FNIP1: variants seen among roughly 807,000 people sequenced by gnomAD.
FNIP1 encodes folliculin-interacting protein 1.
Under a neutral mutation model 124.5 loss-of-function variants are expected in FNIP1, and 40 were observed. That is an observed-to-expected ratio of 0.32 (90% CI 0.25 to 0.42). The LOEUF is 0.42. FNIP1 is among the 10% of genes least tolerant of loss of function. The pLI is 1.00. For missense variants in FNIP1, 1,176 were observed against 1,403.7 expected (o/e 0.84, Z 2.59); for synonymous variants, 472 against 470.6 (o/e 1.00, Z -0.04).
chr5:131,740,099 T>C (rs1770464259), intron 2 of FNIP1, among the ~76,000 whole-genome samples: 3 of 152,244 alleles, frequency 2.0e-5, no homozygotes, highest in Admixed American at 2.0e-4. Context: ...GGAATATGTT[T>C]AGCCTTTCCA....
rs1368610462 is a variant in FNIP1 at position 131,643,423 on chromosome 5, A to G, written c.*1262T>C. ...ACTACTAGCATTAAAAGTCTCTTAGACCAGATAAGCAAAGAATAAACTATA... is the reference window on the plus strand; with the variant it reads ...ACTACTAGCATTAAAAGTCTCTTAGGCCAGATAAGCAAAGAATAAACTATA... On this transcript the variant is annotated 3_prime_UTR_variant, in exon 18 of 18. Coordinates refer to ENST00000510461, the MANE Select transcript of FNIP1 (RefSeq NM_133372.3). The G allele has an allele frequency of 6.5e-6, 1 of 152,768 alleles. No individual in the cohort carries two copies. The highest frequency in any genetic ancestry group is 2.4e-5 in the African/African-American group (1 of 41,440). 9.5% of individuals were successfully genotyped at this position (152,768 alleles called of 1,614,324 possible).
At chr5:131,770,448 C>T (rs1038323331) in intron 1 of FNIP1, among the ~76,000 whole-genome samples, 2 of 152,094 alleles carry the variant, frequency 1.3e-5, no homozygotes, top group Non-Finnish European at 2.9e-5. Flanking sequence ...TTTAGAAAAA[C>T]CAAGGGGTGC....
chr5:131,670,611 C>T lies in FNIP1; in HGVS notation c.2960G>A (p.Ser987Asn). 4.4e-6 allele frequency: 7 copies of T among 1,608,018 alleles called. No individual in the cohort carries two copies. Among genetic ancestry groups the T allele is most frequent in the Non-Finnish European group, 5.9e-6 (7 of 1,177,874 alleles). ...GTTGGCAATGTTGGGCTGAACAGCACTCACTTCGATTAACTTTGACCTGGA... is the reference window on the plus strand; with the variant it reads ...GTTGGCAATGTTGGGCTGAACAGCATTCACTTCGATTAACTTTGACCTGGA... The part of the protein sequence containing the change: ...PFPGSKLIEV[S>N]AVQPNIANFG... Residue 987 changes from serine (S) to asparagine (N), a missense_variant, in exon 15 of 18, where the codon AGT becomes AAT. Physicochemically the swap from Ser to Asn is conservative, Grantham distance 46. Coordinates refer to ENST00000510461, the MANE Select transcript of FNIP1 (RefSeq NM_133372.3).
chr5:131,695,344 T>C (rs1768658695), intron 11 of FNIP1, among the ~76,000 whole-genome samples: 1 of 152,206 alleles, frequency 6.6e-6, no homozygotes, highest in African/African-American at 2.4e-5. Flanking sequence ...TACTCTTAAC[T>C]GATAATACAG....
intron 1 of FNIP1, among the ~76,000 whole-genome samples, chr5:131,748,551 G>C (rs992963630): frequency 1.3e-5 from 2 of 151,716 alleles, no homozygotes; most frequent in African/African-American, 4.8e-5. Context: ...ACAAAAATTA[G>C]CCAGGCGTGG....
At chr5:131,765,392 A>C (rs553538687) in intron 1 of FNIP1, among the ~76,000 whole-genome samples, 3 of 152,208 alleles carry the variant, frequency 2.0e-5, no homozygotes, top group Non-Finnish European at 4.4e-5. Context: ...GATGCATCAT[A>C]AACTGTTTTC....
rs1454490152 is a variant in FNIP1, at chr5:131,643,596, G to C, written c.*1089C>G. 1 of 152,656 alleles carries C rather than the reference G, an allele frequency of 6.6e-6. No individual in the cohort carries two copies. Among genetic ancestry groups the C allele is most frequent in the East Asian group, 1.9e-4 (1 of 5,328 alleles). The allele number at this position is 152,656 out of a possible 1,614,324, so 9.5% of individuals were successfully genotyped here. A position where few individuals can be genotyped will look rare whatever the true frequency, so the allele number is the denominator to read the frequency against. ...TAGTATGTACAAAGGCAACAATTGA[G>C]AAGTGAAAATCTTTGAAAAAAATAC... On this transcript the variant is annotated 3_prime_UTR_variant, in exon 18 of 18. Coordinates refer to ENST00000510461, the MANE Select transcript of FNIP1 (RefSeq NM_133372.3).
At chr5:131,667,036 A>C (rs1453034388) in intron 15 of FNIP1, among the ~76,000 whole-genome samples, 1 of 152,210 alleles carries the variant, frequency 6.6e-6, no homozygotes, top group African/African-American at 2.4e-5. Context: ...AGGTATTGGG[A>C]GGGAAGCATT....
intron 11 of FNIP1, among the ~76,000 whole-genome samples, chr5:131,679,386 C>T (rs1300376029): frequency 6.6e-6 from 1 of 152,106 alleles, no homozygotes; most frequent in Non-Finnish European, 1.5e-5. Context: ...GTTGGCTCTC[C>T]CCACCAGTGA....
At chr5:131,723,402 AG>A (rs1378420210) in intron 3 of FNIP1, among the ~76,000 whole-genome samples, 1 of 152,220 alleles carries the variant, frequency 6.6e-6, no homozygotes, top group African/African-American at 2.4e-5. Flanking sequence ...AGCAAAATAC[AG>A]TAAAAATATT....
At position 131,671,534 on chromosome 5, in the gene FNIP1, C is replaced by A. The variant is rs757373937; in HGVS notation, c.2910G>T (p.Trp970Cys). The A allele has an allele frequency of 4.3e-6, 7 of 1,611,612 alleles. No homozygotes were observed. The highest frequency in any genetic ancestry group is 5.9e-6 in the Non-Finnish European group (7 of 1,179,870). The change falls in exon 14 of 18, where the codon TGG becomes TGT. Residue 970 changes from tryptophan (W) to cysteine (C), a missense_variant. Trp to Cys is a radical substitution (Grantham distance 215). Coordinates refer to ENST00000510461, the MANE Select transcript of FNIP1 (RefSeq NM_133372.3). ...GAAAAGGTATCTCATCCTCTTCTGC[C>A]CAATCTTCTTGCTCTCCTCCATAAT... ...SSYYGGEQED[W>C]AEEDEIPFPG... is the part of the protein sequence containing the mutation.
At chr5:131,786,301 T>A (rs182262207) in intron 1 of FNIP1, among the ~76,000 whole-genome samples, 80 of 152,338 alleles carry the variant, frequency 5.3e-4, no homozygotes, top group African/African-American at 1.9e-3. Context: ...TGTGCCCTTA[T>A]AGAACTTACA....
intron 13 of FNIP1, 62 bp downstream of exon 13, chr5:131,677,636 TATAAA>T: frequency 3.5e-6 from 5 of 1,423,396 alleles, no homozygotes; most frequent in Middle Eastern, 1.8e-4. Context: ...TTGGTTTTGC[TATAAA>T]ATAATTACAG....
At chr5:131,703,791 T>C (rs1456522158) in intron 10 of FNIP1, among the ~76,000 whole-genome samples, 1 of 152,216 alleles carries the variant, frequency 6.6e-6, no homozygotes, top group Non-Finnish European at 1.5e-5. Context: ...TCAGAAGTGT[T>C]GCTTTTATCA....
At chr5:131,781,442 C>G (rs548449623) in intron 1 of FNIP1, among the ~76,000 whole-genome samples, 1 of 152,348 alleles carries the variant, frequency 6.6e-6, no homozygotes, top group South Asian at 2.1e-4. Context: ...CTTTAAAGGA[C>G]AGGCTGACTC....
intron 5 of FNIP1, among the ~76,000 whole-genome samples, chr5:131,716,988 A>T (rs549899728): frequency 7.3e-4 from 110 of 149,924 alleles, no homozygotes; most frequent in East Asian, 2.3e-3. Context: ...ATATATATAT[A>T]TTTTTTTTTA....
chr5:131,761,223 A>G (rs1421498343), intron 1 of FNIP1, among the ~76,000 whole-genome samples: 2 of 152,230 alleles, frequency 1.3e-5, no homozygotes, highest in African/African-American at 2.4e-5. Context: ...ACAAAGAAAT[A>G]GCATTCATCA....
At chr5:131,667,508 CTG>C (rs1226303806) in intron 15 of FNIP1, among the ~76,000 whole-genome samples, 1 of 152,226 alleles carries the variant, frequency 6.6e-6, no homozygotes, top group Non-Finnish European at 1.5e-5. Flanking sequence ...TAACAATTGA[CTG>C]TTGCTCACTA....
chr5:131,690,969 G>A (rs1768460901), intron 11 of FNIP1, among the ~76,000 whole-genome samples: 1 of 152,126 alleles, frequency 6.6e-6, no homozygotes, highest in Admixed American at 6.5e-5. Flanking sequence ...AAATTAGTAA[G>A]GATATAATAG....
Sources: allele counts gnomAD v4.1 joint callset (sites outside exome capture counted in the v4.1 genomes callset), GRCh38; gene constraint gnomAD v4.1.1; transcripts MANE v1.5; gene names NCBI Gene and HGNC (gene_info 2026-07-23, HGNC 2026-07-21).